The following GRM3 variants were observed in gnomAD, a reference collection of about 807,000 sequenced individuals.
GRM3 encodes glutamate metabotropic receptor 3, also known as metabotropic glutamate receptor 3.
In GRM3, 26 loss-of-function variants were observed where a neutral mutation model predicts 70.5. The observed-to-expected ratio is 0.37, with a 90% CI of 0.27 to 0.51. GRM3 has a LOEUF of 0.51. GRM3 is among the 20% of genes least tolerant of loss of function. The probability of loss-of-function intolerance (pLI) is 0.93; values close to 1 mark genes in which losing one functional copy is unlikely to be tolerated. For synonymous variants in GRM3, 443 were observed against 434.9 expected, an observed-to-expected ratio of 1.02 and a Z score of -0.23; for missense variants, 859 against 1,123.8, an observed-to-expected ratio of 0.76 and a Z score of 3.37.
At chr7:86,688,611 G>T (rs1286025512) in intron 1 of GRM3, among the ~76,000 whole-genome samples, 1 of 151,002 alleles carries the variant, frequency 6.6e-6, no homozygotes, top group Non-Finnish European at 1.5e-5. Flanking sequence ...AGTTTAGAAT[G>T]ACATTAACCA....
At chr7:86,794,973 C>A (rs1196398973) in intron 3 of GRM3, among the ~76,000 whole-genome samples, 5 of 151,332 alleles carry the variant, frequency 3.3e-5, no homozygotes, top group African/African-American at 1.2e-4. Flanking sequence ...AAATCATATT[C>A]ATACACACAA....
intron 1 of GRM3, among the ~76,000 whole-genome samples, chr7:86,693,336 A>G (rs941637286): frequency 5.9e-5 from 9 of 152,216 alleles, no homozygotes; most frequent in African/African-American, 1.4e-4. Flanking sequence ...GTCAGTTAGA[A>G]GCCCATGCTC....
Position 86,818,993 on chromosome 7 carries a change from G to A in GRM3, c.1325-19846G>A, listed in dbSNP as rs1275996122. On this transcript the variant is annotated intron_variant, in intron 3 of 5. Transcript: ENST00000361669. The stretch of plus-strand genomic sequence containing the variant: ...GCAGAGAGGCCTCATATCTTTTCCA[G>A]TTGTCAAACAGTGAACCTCTAACTT... 2.0e-5 allele frequency among the ~76,000 whole-genome samples: 3 copies of A among 152,062 alleles called. No individual in the cohort carries two copies. The East Asian group carries it at 5.8e-4, about 29-fold the overall frequency.
intron 1 of GRM3, among the ~76,000 whole-genome samples, chr7:86,680,412 A>G (rs1408457338): frequency 6.6e-6 from 1 of 152,032 alleles, no homozygotes; most frequent in African/African-American, 2.4e-5. Context: ...TAAAGCTCAA[A>G]TTTCTAGTAT....
At chr7:86,653,762 C>T (rs61383608) in intron 1 of GRM3, among the ~76,000 whole-genome samples, 3,241 of 151,752 alleles carry the variant, frequency 0.021, 122 homozygotes, top group African/African-American at 0.073. Context: ...TATTAGAAAA[C>T]CTTCTCACTT....
At chr7:86,729,882 T>A (rs980105178) in intron 1 of GRM3, among the ~76,000 whole-genome samples, 2 of 146,736 alleles carry the variant, frequency 1.4e-5, no homozygotes, top group Non-Finnish European at 3.0e-5. Context: ...CTGAGGTGGG[T>A]GGATCATGAA....
At chr7:86,819,826 A>G (rs1798084340) in intron 3 of GRM3, among the ~76,000 whole-genome samples, 1 of 152,136 alleles carries the variant, frequency 6.6e-6, no homozygotes, top group Admixed American at 6.5e-5. Context: ...TTCTCTTTCC[A>G]TTTTACAGAA....
At chr7:86,758,301 C>T (rs917750289) in intron 1 of GRM3, among the ~76,000 whole-genome samples, 3 of 152,154 alleles carry the variant, frequency 2.0e-5, no homozygotes, top group Non-Finnish European at 4.4e-5. Flanking sequence ...TGCTCCTTCA[C>T]CATTTTGTCC....
chr7:86,655,417 T>C (rs986267163), intron 1 of GRM3, among the ~76,000 whole-genome samples: 1 of 152,180 alleles, frequency 6.6e-6, no homozygotes, highest in Non-Finnish European at 1.5e-5. Flanking sequence ...CAGTAAATTG[T>C]GGAATAAAAT....
intron 2 of GRM3, among the ~76,000 whole-genome samples, chr7:86,768,016 G>C (rs1796649649): frequency 6.6e-6 from 1 of 151,962 alleles, no homozygotes; most frequent in Non-Finnish European, 1.5e-5. Flanking sequence ...CATTGATAAG[G>C]TTCTTATCTT....
chr7:86,698,091 C>G (rs756443350), intron 1 of GRM3, among the ~76,000 whole-genome samples: 1 of 152,082 alleles, frequency 6.6e-6, no homozygotes, highest in Non-Finnish European at 1.5e-5. Flanking sequence ...TAAACTGAAA[C>G]AGACATTTTA....
chr7:86,826,232 T>C (rs1798230474), intron 3 of GRM3, among the ~76,000 whole-genome samples: 1 of 152,230 alleles, frequency 6.6e-6, no homozygotes, highest in Non-Finnish European at 1.5e-5. Flanking sequence ...CTCCGGTTTG[T>C]GCTGGGGATA....
At chr7:86,692,795 ATGT>A (rs1794725472) in intron 1 of GRM3, among the ~76,000 whole-genome samples, 2 of 152,224 alleles carry the variant, frequency 1.3e-5, no homozygotes, top group Non-Finnish European at 2.9e-5. Flanking sequence ...CAAAGTGAAA[ATGT>A]TGTTTTCTTA....
At chr7:86,765,836 C>A (rs1796588350) in intron 2 of GRM3, among the ~76,000 whole-genome samples, 1 of 152,078 alleles carries the variant, frequency 6.6e-6, no homozygotes, top group Non-Finnish European at 1.5e-5. Flanking sequence ...CAACATTAAA[C>A]ACTACCCCCA....
At chr7:86,757,285 A>T (rs1308608949) in intron 1 of GRM3, among the ~76,000 whole-genome samples, 2 of 152,156 alleles carry the variant, frequency 1.3e-5, no homozygotes, top group Non-Finnish European at 2.9e-5. Flanking sequence ...GAATTATGTC[A>T]TCTTTCTTTA....
intron 1 of GRM3, among the ~76,000 whole-genome samples, chr7:86,685,749 A>G (rs1343975158): frequency 6.6e-6 from 1 of 152,018 alleles, no homozygotes; most frequent in Non-Finnish European, 1.5e-5. Context: ...TACTAAAAAT[A>G]CAAAAAATTA....
chr7:86,721,654 A>G (rs538464249), intron 1 of GRM3, among the ~76,000 whole-genome samples: 3 of 152,228 alleles, frequency 2.0e-5, no homozygotes, highest in African/African-American at 7.2e-5. Flanking sequence ...CCTCTCTATC[A>G]TCGAGCCAAA....
intron 1 of GRM3, 120 bp from the exon 2 acceptor site, chr7:86,764,886 T>C: frequency 2.0e-6 from 1 of 509,912 alleles, no homozygotes. Flanking sequence ...TGCTGTGGTG[T>C]ACTGTGTGTT....
chr7:86,826,608 A>C (rs1798239446), intron 3 of GRM3, among the ~76,000 whole-genome samples: 1 of 152,238 alleles, frequency 6.6e-6, no homozygotes, highest in South Asian at 2.1e-4. Context: ...ACTAGGTAAT[A>C]GTAACCTTAA....
Sources: gnomAD v4.1 joint callset for allele counts (sites outside exome capture counted in the v4.1 genomes callset) on GRCh38, gnomAD v4.1.1 for gene constraint, MANE v1.5 for transcripts, NCBI Gene and HGNC (gene_info 2026-07-23, HGNC 2026-07-21) for gene names.